The following PACRG variants were observed in gnomAD, a reference collection of about 807,000 sequenced individuals.
PACRG encodes parkin coregulated gene protein.
Under a neutral mutation model 29.7 loss-of-function variants are expected in PACRG, and 29 were observed. That is an observed-to-expected ratio of 0.98 (90% CI 0.73 to 1.33). The LOEUF is 1.33. Among genes scored for constraint, PACRG ranks in the 40% most tolerant of loss-of-function variants. The pLI is 0.00. For synonymous variants in PACRG, 116 were observed against 118.7 expected (o/e 0.98, Z 0.15); for missense variants, 279 against 316.2 (o/e 0.88, Z 0.89).
At chr6:162,811,152 A>G (rs1354881823) in intron 1 of PACRG, among the ~76,000 whole-genome samples, 3 of 152,148 alleles carry the variant, frequency 2.0e-5, no homozygotes, top group African/African-American at 7.2e-5. Context: ...TCAAGTGCTA[A>G]AAGATAGAAC....
chr6:163,097,759 A>G (rs917653458), intron 4 of PACRG, among the ~76,000 whole-genome samples: 1 of 152,186 alleles, frequency 6.6e-6, no homozygotes, highest in Non-Finnish European at 1.5e-5. Flanking sequence ...ATCAACAGAA[A>G]AGAGTGTCAG....
chr6:162,908,960 A>C (rs1170311592), intron 2 of PACRG, among the ~76,000 whole-genome samples: 2 of 152,208 alleles, frequency 1.3e-5, no homozygotes, highest in Admixed American at 6.5e-5. Flanking sequence ...TGGCTGCCAG[A>C]GTGACCCCTC....
chr6:162,915,654 T>C (rs1188569952), intron 2 of PACRG, among the ~76,000 whole-genome samples: 2 of 152,160 alleles, frequency 1.3e-5, no homozygotes, highest in African/African-American at 4.8e-5. Context: ...AATATGTTTG[T>C]ATTGCATGTG....
chr6:162,799,526 G>T (rs566686271), intron 1 of PACRG, among the ~76,000 whole-genome samples: 31 of 152,062 alleles, frequency 2.0e-4, no homozygotes, highest in African/African-American at 7.5e-4. Context: ...TATTATTGGA[G>T]TTTCTAAATC....
intron 1 of PACRG, among the ~76,000 whole-genome samples, chr6:162,740,541 C>T (rs953230750): frequency 8.7e-5 from 13 of 150,286 alleles, no homozygotes; most frequent in Non-Finnish European, 1.8e-4. Context: ...TGGTCTTGAT[C>T]TCCTGACCTC....
At chr6:163,051,649 T>A (rs502478) in intron 2 of PACRG, 45,216 of 152,018 alleles carry the variant, frequency 0.3, 7,713 homozygotes, top group East Asian at 0.68. Flanking sequence ...GTCCTGGTTG[T>A]ATGCGGGAGT....
chr6:162,867,680 A>T (rs1382959119), intron 2 of PACRG, among the ~76,000 whole-genome samples: 1 of 152,192 alleles, frequency 6.6e-6, no homozygotes, highest in Admixed American at 6.5e-5. Flanking sequence ...CCCGAACTGA[A>T]ATGAGATTTT....
chr6:163,095,050 G>T (rs1464052129), intron 4 of PACRG, among the ~76,000 whole-genome samples: 1 of 152,136 alleles, frequency 6.6e-6, no homozygotes, highest in Non-Finnish European at 1.5e-5. Flanking sequence ...AGAAACAGAT[G>T]GTTGTGCAGC....
chr6:163,179,256 A>G (rs980282946), intron 4 of PACRG: 2 of 455,894 alleles, frequency 4.4e-6, no homozygotes, highest in African/African-American at 4.0e-5. Flanking sequence ...CAAGCGAGAC[A>G]GAAAGGAGGC....
At chr6:162,817,414 T>C (rs1787450758) in intron 2 of PACRG, among the ~76,000 whole-genome samples, 1 of 152,196 alleles carries the variant, frequency 6.6e-6, no homozygotes, top group African/African-American at 2.4e-5. Flanking sequence ...ACCAGTTTCA[T>C]GCACATGGAA....
At chr6:162,974,189 C>T (rs1801764959) in intron 2 of PACRG, among the ~76,000 whole-genome samples, 3 of 152,178 alleles carry the variant, frequency 2.0e-5, no homozygotes, top group South Asian at 2.1e-4. Context: ...GCTGTCCTTT[C>T]TCATTGCAGA....
intron 4 of PACRG, among the ~76,000 whole-genome samples, chr6:163,277,626 T>G (rs1189012190): frequency 0.011 from 1,632 of 150,310 alleles, 34 homozygotes; most frequent in African/African-American, 0.038. Flanking sequence ...TGTATACATA[T>G]ATACATACGT....
intron 2 of PACRG, among the ~76,000 whole-genome samples, chr6:162,852,703 T>A (rs73603881): frequency 6.6e-6 from 1 of 152,200 alleles, no homozygotes; most frequent in Non-Finnish European, 1.5e-5. Context: ...GCCTATGTTT[T>A]ATTTTATAGA....
intron 3 of PACRG, among the ~76,000 whole-genome samples, chr6:163,077,169 A>G (rs965756685): frequency 2.0e-5 from 3 of 152,190 alleles, no homozygotes; most frequent in Admixed American, 1.3e-4. Context: ...AGTGCTTTCT[A>G]TTTATTGGGA....
At chr6:163,269,837 A>AGGAAGGAAGGAG (rs1562349362) in intron 4 of PACRG, among the ~76,000 whole-genome samples, 1 of 34,816 alleles carries the variant, frequency 2.9e-5, no homozygotes, top group Non-Finnish European at 5.9e-5. Flanking sequence ...GAAAGAAAGA[A>AGGAAGGAAGGAG]AAAGAAAGAA....
chr6:163,121,853 G>A (rs774794161), intron 4 of PACRG, among the ~76,000 whole-genome samples: 10 of 151,526 alleles, frequency 6.6e-5, no homozygotes, highest in African/African-American at 1.7e-4. Flanking sequence ...TAGTAGACAC[G>A]GGGTTTCACC....
intron 2 of PACRG, among the ~76,000 whole-genome samples, chr6:162,920,360 G>T (rs1796982396): frequency 6.6e-6 from 1 of 152,148 alleles, no homozygotes; most frequent in African/African-American, 2.4e-5. Flanking sequence ...TATGGCATCT[G>T]CACTCTATTG....
chr6:163,214,040 T>A (rs781456363), intron 4 of PACRG, among the ~76,000 whole-genome samples: 6 of 152,210 alleles, frequency 3.9e-5, no homozygotes, highest in Non-Finnish European at 8.8e-5. Context: ...TGTTCTTAAC[T>A]ATTTCTTCTC....
At chr6:162,896,877 A>G (rs1482611746) in intron 2 of PACRG, among the ~76,000 whole-genome samples, 1 of 152,250 alleles carries the variant, frequency 6.6e-6, no homozygotes, top group African/African-American at 2.4e-5. Flanking sequence ...TATGAGAAGG[A>G]AATACATTTT....
Sources: gnomAD v4.1 joint callset for allele counts (sites outside exome capture counted in the v4.1 genomes callset) on GRCh38, gnomAD v4.1.1 for gene constraint, MANE v1.5 for transcripts, NCBI Gene and HGNC (gene_info 2026-07-23, HGNC 2026-07-21) for gene names.